The following TP53BP2 variants were observed in gnomAD, a reference collection of about 807,000 sequenced individuals.
TP53BP2 encodes the protein tumor protein p53 binding protein 2, also known as apoptosis-stimulating of p53 protein 2.
TP53BP2 carries 62 observed loss-of-function variants against 126.2 expected under a neutral mutation model. The ratio of observed to expected loss-of-function variants is 0.49; its 90% CI spans 0.40 to 0.61. TP53BP2 has a LOEUF of 0.61. Among genes scored for constraint, TP53BP2 ranks in the 20% least tolerant of loss-of-function variants. The pLI, the probability that TP53BP2 is intolerant of heterozygous loss-of-function variation, is 0.00. For missense variants in TP53BP2, 1,215 were observed against 1,402.8 expected, an observed-to-expected ratio of 0.87 and a Z score of 2.14; for synonymous variants, 485 against 502.9, an observed-to-expected ratio of 0.96 and a Z score of 0.48.
At chr1:223,802,048 T>C in intron 9 of TP53BP2, 68 bp downstream of exon 9, 1 of 1,456,888 alleles carries the variant, frequency 6.9e-7, no homozygotes. Context: ...GAGAGATTTT[T>C]TTTAAACTCA....
Position 223,821,348 on chromosome 1 carries a change from A to G in TP53BP2, c.47T>C (p.Leu16Pro). 6.2e-7 allele frequency: 1 copy of G among 1,614,044 alleles called. No homozygotes were observed. The highest frequency in any genetic ancestry group is 8.5e-7 in the Non-Finnish European group (1 of 1,179,880). The change falls in exon 2 of 18, where the codon CTC becomes CCC. Residue 16 changes from leucine to proline, a missense_variant. By Grantham distance (98) the Leu-to-Pro change is moderately conservative. Coordinates refer to ENST00000343537, the MANE Select transcript of TP53BP2 (RefSeq NM_001031685.3). ...KMMPMFLTVY[L>P]SNNEQHFTEV... Reference sequence around the variant, plus strand: ...TGTGAAGTGCTGCTCATTGTTACTGAGATACACGGTAAGAAACATCTAAAA... The same window carrying G: ...TGTGAAGTGCTGCTCATTGTTACTGGGATACACGGTAAGAAACATCTAAAA...
chr1:223,802,654 G>C, intron 8 of TP53BP2, 77 bp downstream of exon 8: 1 of 1,502,560 alleles, frequency 6.7e-7, no homozygotes, highest in Non-Finnish European at 9.1e-7. Context: ...TTCTGAAGAA[G>C]ATGCCTATGA....
intron 1 of TP53BP2, among the ~76,000 whole-genome samples, chr1:223,821,738 A>G (rs1483132182): frequency 1.3e-5 from 2 of 152,162 alleles, no homozygotes; most frequent in Non-Finnish European, 2.9e-5. Context: ...TCATCCATAT[A>G]TACTTATTTA....
Position 223,804,302 on chromosome 1 carries a change from T to G in TP53BP2, c.521A>C (p.Gln174Pro). ...AAGTTTCTCCTGCTCAGCAACTTGT[T>G]GCTGTTGTCGCTGATCTTGTTGTTT... is the stretch of plus-strand genomic sequence containing the variant. ...FLKQQDQRQQ[Q>P]QVAEQEKLKR... The change falls in exon 6 of 18, where the codon CAA (glutamine) becomes CCA (proline). Residue 174 changes from glutamine to proline, a missense_variant. Transcript: ENST00000343537. 6.2e-7 allele frequency: 1 copy of G among 1,614,054 alleles called. No individual in the cohort carries two copies.
At chr1:223,816,211 A>T (rs926858244) in intron 2 of TP53BP2, among the ~76,000 whole-genome samples, 1 of 152,234 alleles carries the variant, frequency 6.6e-6, no homozygotes, top group African/African-American at 2.4e-5. Context: ...ACCTGAAGGC[A>T]ACTTTCATCT....
chr1:223,796,003 T>G lies in TP53BP2; in HGVS notation c.2536A>C (p.Asn846His). 1 of 1,614,082 alleles carries G rather than the reference T, an allele frequency of 6.2e-7. No homozygotes were observed. Among genetic ancestry groups the G allele is most frequent in the East Asian group, 2.2e-5 (1 of 44,878 alleles). Residue 846 changes from asparagine to histidine, a missense_variant, in exon 13 of 18, where the codon AAC becomes CAC. Physicochemically the swap from Asn to His is moderately conservative, Grantham distance 68. Coordinates refer to ENST00000343537, the MANE Select transcript of TP53BP2 (RefSeq NM_001031685.3). This position sits in a 1 kb window ranked among gnomAD's most constrained non-coding sequence, Gnocchi z 4.2. ...LDYEPEGVPD[N>H]SPNLQNNPEE... ...GGGTTATTCTGGAGATTTGGGCTGTTGTCTGGGACTCCCTCAGGCTCATAA... is the reference window on the plus strand; with the variant it reads ...GGGTTATTCTGGAGATTTGGGCTGTGGTCTGGGACTCCCTCAGGCTCATAA...
chr1:223,827,817 CA>C (rs1444336177), intron 1 of TP53BP2, among the ~76,000 whole-genome samples: 1 of 151,838 alleles, frequency 6.6e-6, no homozygotes, highest in African/African-American at 2.4e-5. Flanking sequence ...GAAAAATAAT[CA>C]AAAGAGAGGC....
intron 6 of TP53BP2, 94 bp downstream of exon 6, chr1:223,804,080 C>T: frequency 7.2e-7 from 1 of 1,398,336 alleles, no homozygotes; most frequent in South Asian, 1.4e-5. Flanking sequence ...GGCCACGGTT[C>T]AAAAGACCAG....
intron 16 of TP53BP2, among the ~76,000 whole-genome samples, chr1:223,785,939 A>G (rs1661936668): frequency 6.6e-6 from 1 of 152,142 alleles, no homozygotes; most frequent in Non-Finnish European, 1.5e-5. Context: ...ACTTGTAGAT[A>G]AACACCAGAA....
intron 2 of TP53BP2, chr1:223,818,110 G>A (rs1217296358): frequency 6.6e-6 from 1 of 152,368 alleles, no homozygotes. Context: ...GCAGAGAAAA[G>A]GTCTGAGAAT....
At position 223,780,408 on chromosome 1, in the gene TP53BP2, G is replaced by A. The variant is rs536284543; in HGVS notation, c.*445C>T. 2 of 159,244 alleles carry A rather than the reference G, an allele frequency of 1.3e-5. No individual in the cohort carries two copies. Among genetic ancestry groups the A allele is most frequent in the African/African-American group, 4.8e-5 (2 of 41,706 alleles). 9.9% of individuals were successfully genotyped at this position (159,244 alleles called of 1,614,324 possible). ...TCGAGCCTTCAGGTGAGCCCCCCAA[G>A]GGCCTGCTGGTGCCGGGGACAATCA... On this transcript the variant is annotated 3_prime_UTR_variant, in exon 18 of 18. Coordinates refer to ENST00000343537, the MANE Select transcript of TP53BP2 (RefSeq NM_001031685.3).
rs998502397 is a variant in TP53BP2, at chr1:223,779,962, C to G, written c.*891G>C. 1 of 152,158 alleles carries G rather than the reference C, an allele frequency of 6.6e-6. No homozygotes were observed. The highest frequency in any genetic ancestry group is 2.4e-5 in the African/African-American group (1 of 41,422). 9.4% of individuals were successfully genotyped at this position (152,158 alleles called of 1,614,324 possible). ...TGAATCACTTAGCTGGTAAAAAACT[C>G]TTATTACGATACATATACTTATGTT... On this transcript the variant is annotated 3_prime_UTR_variant, in exon 18 of 18. Transcript: ENST00000343537.
chr1:223,809,598 T>G (rs1204062431), intron 4 of TP53BP2, among the ~76,000 whole-genome samples: 2 of 151,592 alleles, frequency 1.3e-5, no homozygotes, highest in African/African-American at 4.8e-5. Context: ...AAAATAAAAA[T>G]AAGTAAATCA....
intron 2 of TP53BP2, among the ~76,000 whole-genome samples, chr1:223,819,690 AAAG>A (rs1206700051): frequency 6.6e-6 from 1 of 152,004 alleles, no homozygotes; most frequent in Non-Finnish European, 1.5e-5. Flanking sequence ...CATCTCAAAA[AAAG>A]AAAAAAGAAA....
intron 1 of TP53BP2, among the ~76,000 whole-genome samples, chr1:223,834,442 T>C (rs1018108526): frequency 4.6e-5 from 7 of 152,284 alleles, no homozygotes; most frequent in East Asian, 1.9e-4. Context: ...ATGTAGAGTA[T>C]TAATTTCACT....
At chr1:223,802,954 A>G (rs1312524976) in intron 7 of TP53BP2, 59 bp from the exon 8 acceptor site, 8 of 1,570,554 alleles carry the variant, frequency 5.1e-6, no homozygotes, top group Non-Finnish European at 7.0e-6. Context: ...TGTCTCAAAC[A>G]GTTAATCACA....
intron 1 of TP53BP2, among the ~76,000 whole-genome samples, chr1:223,823,724 G>A (rs1048089115): frequency 3.9e-5 from 6 of 152,270 alleles, no homozygotes; most frequent in Admixed American, 2.0e-4. Context: ...AAGTACACTC[G>A]TCTGCTGCTC....
chr1:223,840,326 G>C (rs535855035), intron 1 of TP53BP2, among the ~76,000 whole-genome samples: 33 of 152,142 alleles, frequency 2.2e-4, no homozygotes, highest in Non-Finnish European at 4.4e-4. Flanking sequence ...CATCATCTGT[G>C]TTTTCTTTTT....
At chr1:223,794,156 TAA>T (rs922018421) in intron 13 of TP53BP2, among the ~76,000 whole-genome samples, 1 of 145,130 alleles carries the variant, frequency 6.9e-6, no homozygotes. Flanking sequence ...GAATCGGACT[TAA>T]AAAAAAAAAG....
Sources: gnomAD v4.1 joint callset for allele counts (sites outside exome capture counted in the v4.1 genomes callset) on GRCh38, gnomAD v4.1.1 for gene constraint, Gnocchi (gnomAD v3.1) non-coding constraint, MANE v1.5 for transcripts, NCBI Gene and HGNC (gene_info 2026-07-23, HGNC 2026-07-21) for gene names.